Variants in SULT1C3 observed in about 807,000 individuals in gnomAD.
The protein encoded by SULT1C3 is sulfotransferase 1C3.
A neutral mutation model predicts 28.4 loss-of-function variants in SULT1C3; 31 were observed. That is an observed-to-expected ratio of 1.09 (90% CI 0.82 to 1.47). The LOEUF (loss-of-function observed/expected upper bound fraction) is 1.47, where lower values mean the gene tolerates loss of function less well. SULT1C3 is among the 40% of genes most tolerant of loss of function. The pLI, the probability that SULT1C3 is intolerant of heterozygous loss-of-function variation, is 0.00. For missense variants in SULT1C3, 307 were observed against 272.5 expected (o/e 1.13, Z -0.89); for synonymous variants, 106 against 92.2 (o/e 1.15, Z -0.86).
downstream of SULT1C3, among the ~76,000 whole-genome samples, chr2:108,261,216 T>C (rs2104394391): frequency 6.6e-6 from 1 of 152,292 alleles, no homozygotes; most frequent in Admixed American, 6.5e-5. Flanking sequence ...AATTGCAAAA[T>C]GATTACTGCT....
intron 1 of SULT1C3, among the ~76,000 whole-genome samples, chr2:108,246,814 A>T (rs1313225801): frequency 6.6e-6 from 1 of 152,214 alleles, no homozygotes; most frequent in East Asian, 1.9e-4. Context: ...ATGAAGCAAT[A>T]TATGACACAT....
intron 2 of SULT1C3, among the ~76,000 whole-genome samples, chr2:108,252,141 G>A (rs910166904): frequency 7.3e-6 from 1 of 136,550 alleles, no homozygotes; most frequent in African/African-American, 2.7e-5. Context: ...AGAAACAGAT[G>A]ATAGATTAGA....
intron 5 of SULT1C3, among the ~76,000 whole-genome samples, chr2:108,257,403 G>A (rs1193057740): frequency 6.6e-6 from 1 of 151,814 alleles, no homozygotes; most frequent in African/African-American, 2.4e-5. Flanking sequence ...TTATCTATAT[G>A]TACATATTAC....
At chr2:108,261,854 C>G (rs1445717516), downstream of SULT1C3, among the ~76,000 whole-genome samples, 8 of 152,024 alleles carry the variant, frequency 5.3e-5, 1 homozygote, top group Admixed American at 2.6e-4. Flanking sequence ...GAAATGACAT[C>G]CTATTCTCTA....
intron 5 of SULT1C3, among the ~76,000 whole-genome samples, chr2:108,258,266 T>C (rs949590217): frequency 1.3e-5 from 2 of 152,082 alleles, no homozygotes; most frequent in Non-Finnish European, 2.9e-5. Flanking sequence ...ATGCATCCCA[T>C]GTTTACCACG....
rs778642901 is a variant in SULT1C3 at position 108,247,306 on chromosome 2, A to G, written c.112A>G (p.Lys38Glu). The G allele has an allele frequency of 3.1e-6, 5 of 1,599,552 alleles. No individual in the cohort carries two copies. In the South Asian group the frequency reaches 5.7e-5, roughly 18 times the overall value. The change falls in exon 2 of 8, where the codon AAA (lysine) becomes GAA (glutamate). Residue 38 changes from lysine to glutamate, a missense_variant. Coordinates refer to ENST00000681802, the MANE Select transcript of SULT1C3 (RefSeq NM_001320878.2). The stretch of plus-strand genomic sequence containing the variant: ...GATATTATCAAAAGAATGGTGGGAA[A>G]AAGTATGTAATTTCCAAGCCAAGCC... The part of the protein sequence containing the change: ...TLILSKEWWE[K>E]VCNFQAKPDD...
Position 108,242,060 on chromosome 2 carries a change from C to T in SULT1C3, c.-8+1977C>T, listed in dbSNP as rs1354365722. ...TTTCAGTATCTAACTCCATGTGTCC[C>T]AGGCCTTACTTATCTGTAAAGCAGG... On this transcript the variant is annotated intron_variant, in intron 1 of 7. Coordinates refer to ENST00000681802, the MANE Select transcript of SULT1C3 (RefSeq NM_001320878.2). 3.9e-5 allele frequency among the ~76,000 whole-genome samples: 6 copies of T among 152,126 alleles called. No homozygotes were observed. In the East Asian group the frequency reaches 9.6e-4, roughly 24 times the overall value.
chr2:108,256,067 CACGT>C (rs1675860527), intron 5 of SULT1C3, among the ~76,000 whole-genome samples: 1 of 151,968 alleles, frequency 6.6e-6, no homozygotes, highest in African/African-American at 2.4e-5. Flanking sequence ...GCCAGACCAC[CACGT>C]ATAGTTACAA....
intron 7 of SULT1C3, 108 bp from the exon 8 acceptor site, chr2:108,260,460 C>A: frequency 2.8e-6 from 1 of 353,940 alleles, no homozygotes; most frequent in Non-Finnish European, 5.7e-6. Flanking sequence ...GACTGAGGGA[C>A]CCTCACTCAT....
chr2:108,241,338 T>C (rs1173848766), intron 1 of SULT1C3, among the ~76,000 whole-genome samples: 1 of 152,250 alleles, frequency 6.6e-6, no homozygotes, highest in South Asian at 2.1e-4. Flanking sequence ...AGAGTACTCA[T>C]AGATAGTCTC....
intron 7 of SULT1C3, 81 bp downstream of exon 7, chr2:108,259,227 C>G: frequency 4.3e-6 from 1 of 232,796 alleles, no homozygotes; most frequent in Non-Finnish European, 8.8e-6. Context: ...ACCTAATTTT[C>G]AGGCAGAAGT....
At chr2:108,264,739 T>C (rs747708520), downstream of SULT1C3, 24 of 1,352,866 alleles carry the variant, frequency 1.8e-5, no homozygotes, top group Non-Finnish European at 2.4e-5. Context: ...CTTTAACTCA[T>C]TTCTCTCCAA....
chr2:108,247,427 T>C lies in SULT1C3; in HGVS notation c.172+61T>C. 3.6e-6 allele frequency: 5 copies of C among 1,374,364 alleles called. No individual in the cohort carries two copies. In the South Asian group the frequency reaches 8.9e-5, roughly 24 times the overall value. The allele number at this position is 1,374,364 out of a possible 1,614,324, so 85.1% of individuals were successfully genotyped here. On this transcript the variant is annotated intron_variant, in intron 2 of 7. Coordinates refer to ENST00000681802, the MANE Select transcript of SULT1C3 (RefSeq NM_001320878.2). Reference sequence around the variant, plus strand: ...TCACGTGAAATTATTGCATAATCTGTATTGATAAATGAAGCATGATTGGGA... The same window carrying C: ...TCACGTGAAATTATTGCATAATCTGCATTGATAAATGAAGCATGATTGGGA...
At chr2:108,253,634 C>T (rs555930916) in intron 4 of SULT1C3, among the ~76,000 whole-genome samples, 192 bp downstream of exon 4, 34 of 152,008 alleles carry the variant, frequency 2.2e-4, no homozygotes, top group Non-Finnish European at 4.0e-4. Flanking sequence ...TTCTAAAATT[C>T]ATTTTCCTCT....
downstream of SULT1C3, among the ~76,000 whole-genome samples, chr2:108,262,389 A>C (rs1038980035): frequency 6.6e-6 from 1 of 152,192 alleles, no homozygotes; most frequent in African/African-American, 2.4e-5. Flanking sequence ...AATGCTGTCA[A>C]TAAAGACATT....
chr2:108,265,273 G>A, downstream of SULT1C3: 1 of 1,613,744 alleles, frequency 6.2e-7, no homozygotes, highest in Non-Finnish European at 8.5e-7. Flanking sequence ...ATTTTACTGT[G>A]GCCCAAAATG....
chr2:108,244,173 A>G (rs1675529151), intron 1 of SULT1C3, among the ~76,000 whole-genome samples: 1 of 152,252 alleles, frequency 6.6e-6, no homozygotes, highest in South Asian at 2.1e-4. Context: ...CAGAGAATAT[A>G]AACAATGATC....
intron 1 of SULT1C3, among the ~76,000 whole-genome samples, 79 bp downstream of exon 1, chr2:108,240,162 C>A (rs569354321): frequency 6.6e-6 from 1 of 152,302 alleles, no homozygotes; most frequent in Admixed American, 6.5e-5. Context: ...GGATATTCAA[C>A]CCTTGTTAAT....
chr2:108,258,876 A>G lies in SULT1C3; in HGVS notation c.621+48A>G, dbSNP rs1346684507. On this transcript the variant is annotated intron_variant, in intron 6 of 7. Transcript: ENST00000681802. ...GGTCAGACCCAGAAACCCTCCTGAC[A>G]ATGTTATTCTGTTAAAAAGCTGTGT... is the stretch of plus-strand genomic sequence containing the variant. 2.1e-6 allele frequency: 3 copies of G among 1,437,584 alleles called. No homozygotes were observed. The African/African-American group carries it at 4.3e-5, about 21-fold the overall frequency. The allele number at this position is 1,437,584 out of a possible 1,614,324, so 89.1% of individuals were successfully genotyped here. A position where few individuals can be genotyped will look rare whatever the true frequency, so the allele number is the denominator to read the frequency against.
Sources: gnomAD v4.1 joint callset for allele counts (sites outside exome capture counted in the v4.1 genomes callset) on GRCh38, gnomAD v4.1.1 for gene constraint, MANE v1.5 for transcripts, NCBI Gene and HGNC (gene_info 2026-07-23, HGNC 2026-07-21) for gene names.